The following RERE variants were observed in gnomAD, a reference collection of about 807,000 sequenced individuals.
The protein encoded by RERE is arginine-glutamic acid dipeptide repeats protein.
A neutral mutation model predicts 146.1 loss-of-function variants in RERE; 40 were observed. The ratio of observed to expected loss-of-function variants is 0.27; its 90% confidence interval spans 0.21 to 0.36. The LOEUF (loss-of-function observed/expected upper bound fraction) is 0.36. Ranked by LOEUF, RERE falls within the 10% of genes least tolerant of loss-of-function variation. The pLI, the probability that RERE is intolerant of heterozygous loss-of-function variation, is 1.00. For synonymous variants in RERE, 1,003 were observed against 866.0 expected (o/e 1.16, Z -2.78); for missense variants, 1,933 against 2,138.7 (o/e 0.90, Z 1.90).
At chr1:8,366,738 A>T (rs1388235556) in intron 12 of RERE, among the ~76,000 whole-genome samples, 2 of 152,240 alleles carry the variant, frequency 1.3e-5, no homozygotes, top group Non-Finnish European at 2.9e-5. Flanking sequence ...GGCCCAGCAG[A>T]AACAAAAGCA....
At chr1:8,672,749 T>A (rs150427709) in intron 1 of RERE, among the ~76,000 whole-genome samples, 2 of 152,300 alleles carry the variant, frequency 1.3e-5, no homozygotes, top group Non-Finnish European at 2.9e-5. Context: ...ACTCAATCAA[T>A]ATGTCAATCT....
intron 11 of RERE, among the ~76,000 whole-genome samples, chr1:8,429,661 C>A (rs1182416736): frequency 6.6e-6 from 1 of 152,198 alleles, no homozygotes. Context: ...GTATCACAGT[C>A]AGAAACTCAC....
chr1:8,466,690 G>A (rs1439382406), intron 10 of RERE, among the ~76,000 whole-genome samples: 1 of 152,218 alleles, frequency 6.6e-6, no homozygotes, highest in African/African-American at 2.4e-5. Context: ...GTCTGTAATA[G>A]TATGCTAGTT....
At chr1:8,744,768 AT>A (rs1386430364) in intron 1 of RERE, among the ~76,000 whole-genome samples, 1 of 152,228 alleles carries the variant, frequency 6.6e-6, no homozygotes, top group Non-Finnish European at 1.5e-5. Flanking sequence ...GACAAATAAA[AT>A]ATATGTTCCC....
At chr1:8,706,227 G>C (rs372428534) in intron 1 of RERE, among the ~76,000 whole-genome samples, 24 of 152,118 alleles carry the variant, frequency 1.6e-4, no homozygotes, top group African/African-American at 5.5e-4. Flanking sequence ...GCTGAGACAG[G>C]AGGATCCTTT....
chr1:8,659,630 T>A (rs1455496129), intron 1 of RERE, among the ~76,000 whole-genome samples: 1 of 152,226 alleles, frequency 6.6e-6, no homozygotes, highest in Non-Finnish European at 1.5e-5. Flanking sequence ...TGAAAACTCA[T>A]CAGTGTCTAC....
intron 11 of RERE, among the ~76,000 whole-genome samples, chr1:8,443,871 G>C (rs990419355): frequency 4.3e-5 from 6 of 140,722 alleles, no homozygotes; most frequent in African/African-American, 1.5e-4. Flanking sequence ...GAGTGATGGA[G>C]GCTTGGCAGC....
chr1:8,627,329 T>C (rs78197405), intron 2 of RERE, among the ~76,000 whole-genome samples: 2,312 of 152,116 alleles, frequency 0.015, 61 homozygotes, highest in African/African-American at 0.053. Context: ...TGTCTGCCAT[T>C]AGTGTGGGGG....
intron 12 of RERE, chr1:8,380,939 C>CT: frequency 2.2e-6 from 1 of 456,712 alleles, no homozygotes; most frequent in African/African-American, 2.0e-5. Flanking sequence ...CCACGTTCGG[C>CT]TTCTTGAGTC....
intron 7 of RERE, among the ~76,000 whole-genome samples, chr1:8,527,084 A>AT (rs1354972415): frequency 2.0e-5 from 3 of 152,242 alleles, no homozygotes; most frequent in Admixed American, 2.0e-4. Context: ...CCTACAGTGA[A>AT]TGCAGAATCA....
chr1:8,393,107 G>A lies in RERE; in HGVS notation c.1285-27133C>T, dbSNP rs185665511. On this transcript the variant is annotated intron_variant, in intron 12 of 22. Coordinates refer to ENST00000400908, the MANE Select transcript of RERE (RefSeq NM_001042681.2). ...GGTGCTCAGATTGGACTTCTGCAGG[G>A]ATTCGTCCCCAAGTTCCCAAAGACT... 1.6e-3 allele frequency among the ~76,000 whole-genome samples: 248 copies of A among 152,254 alleles called. 4 individuals carry two copies. In the East Asian group the frequency reaches 0.018, roughly 11 times the overall value.
intron 7 of RERE, among the ~76,000 whole-genome samples, chr1:8,514,590 C>T (rs576749428): frequency 6.6e-6 from 1 of 152,018 alleles, no homozygotes; most frequent in South Asian, 2.1e-4. Flanking sequence ...TTAGCCATAC[C>T]GGGTGGTGTG....
chr1:8,617,131 T>A (rs920563789), intron 3 of RERE, among the ~76,000 whole-genome samples: 17 of 151,758 alleles, frequency 1.1e-4, no homozygotes, highest in African/African-American at 4.1e-4. Context: ...GATCACAAGG[T>A]CAGGAGTTCA....
intron 7 of RERE, among the ~76,000 whole-genome samples, chr1:8,540,927 G>C (rs1370279498): frequency 6.6e-6 from 1 of 152,078 alleles, no homozygotes; most frequent in Non-Finnish European, 1.5e-5. Context: ...TCAAAATACA[G>C]ATAAACTAAA....
chr1:8,360,015 G>A (rs1429461566), intron 18 of RERE, 29 bp from the exon 19 acceptor site: 2 of 1,609,106 alleles, frequency 1.2e-6, no homozygotes, highest in East Asian at 2.2e-5. Flanking sequence ...CTTGCTGGGA[G>A]CTCCTGCCGA....
chr1:8,762,886 T>C (rs1333848953), intron 1 of RERE, among the ~76,000 whole-genome samples: 3 of 152,174 alleles, frequency 2.0e-5, no homozygotes, highest in Admixed American at 1.3e-4. Context: ...CAGAATGACC[T>C]GGGACCATGG....
chr1:8,385,469 CA>C (rs995066813), intron 12 of RERE, among the ~76,000 whole-genome samples: 2 of 152,088 alleles, frequency 1.3e-5, no homozygotes, highest in African/African-American at 4.8e-5. Context: ...TGAATGGTAG[CA>C]GGGGCAGGCT....
At chr1:8,763,153 A>T (rs1043760151) in intron 1 of RERE, among the ~76,000 whole-genome samples, 1 of 152,238 alleles carries the variant, frequency 6.6e-6, no homozygotes, top group Non-Finnish European at 1.5e-5. Flanking sequence ...ACCTCAGTAA[A>T]GTTACAACCA....
intron 1 of RERE, among the ~76,000 whole-genome samples, chr1:8,728,463 C>CAA (rs529828973): frequency 0.015 from 1,974 of 136,090 alleles, 55 homozygotes; most frequent in Admixed American, 0.074. Context: ...AAGAGACCAT[C>CAA]AAAAAAAAAA....
Sources: gnomAD v4.1 joint callset for allele counts (sites outside exome capture counted in the v4.1 genomes callset) on GRCh38, gnomAD v4.1.1 for gene constraint, MANE v1.5 for transcripts, NCBI Gene and HGNC (gene_info 2026-07-23, HGNC 2026-07-21) for gene names.